Variants in DOK2 observed in about 807,000 individuals in gnomAD.
The protein encoded by DOK2 is docking protein 2, also known as docking protein 2, 56kD.
In DOK2, 28 loss-of-function variants were observed where a neutral mutation model predicts 26.0. That is an observed-to-expected ratio of 1.08 (90% CI 0.80 to 1.48). The LOEUF (loss-of-function observed/expected upper bound fraction) is 1.48, where lower values mean the gene tolerates loss of function less well. Among genes scored for constraint, DOK2 ranks in the 40% most tolerant of loss-of-function variants. DOK2 has a pLI of 0.00. For synonymous variants in DOK2, 282 were observed against 236.9 expected, an observed-to-expected ratio of 1.19 and a Z score of -1.75; for missense variants, 682 against 558.2, an observed-to-expected ratio of 1.22 and a Z score of -2.23.
chr8:21,912,912 C>T (rs750741462), intron 1 of DOK2, among the ~76,000 whole-genome samples: 26 of 152,180 alleles, frequency 1.7e-4, no homozygotes, highest in Non-Finnish European at 2.8e-4. Context: ...GGGCTGGAGA[C>T]CTCATTCTCC....
At position 21,909,749 on chromosome 8, in the gene DOK2, A is replaced by G. The variant is rs1809757487; in HGVS notation, c.801T>C (p.Pro267=). The part of the protein sequence containing the change: ...PATIPASLPR[P]DSPYSRPHDS... ...CATGCGGCCGAGAGTAGGGGCTATC[A>G]GGCCGGGGCAGCGACGCGGGGATTG... The change falls in exon 5 of 5, where the codon CCT becomes CCC. Residue 267 remains proline (P), a synonymous_variant. Coordinates refer to ENST00000276420, the MANE Select transcript of DOK2 (RefSeq NM_003974.4). The G allele has an allele frequency of 2.5e-6, 4 of 1,613,812 alleles. No homozygotes were observed. The highest frequency in any genetic ancestry group is 2.5e-6 in the Non-Finnish European group (3 of 1,180,004).
Position 21,909,360 on chromosome 8 carries a change from T to G in DOK2, c.1190A>C (p.Gln397Pro). 1 of 1,574,248 alleles carries G rather than the reference T, an allele frequency of 6.4e-7. No individual in the cohort carries two copies. Among genetic ancestry groups the G allele is most frequent in the Admixed American group, 1.8e-5 (1 of 55,368 alleles). The change falls in exon 5 of 5, where the codon CAG (glutamine) becomes CCG (proline). Residue 397 changes from glutamine (Q) to proline (P), a missense_variant. Transcript: ENST00000276420. Reference sequence around the variant, plus strand: ...AACATTGTCATACTCAGTTCCTGGCTGCCAGCCAGAAGCAGAGAAATCCTG... The same window carrying G: ...AACATTGTCATACTCAGTTCCTGGCGGCCAGCCAGAAGCAGAGAAATCCTG... ...AGQDFSASGW[Q>P]PGTEYDNVVL...
chr8:21,909,476 G>C lies in DOK2; in HGVS notation c.1074C>G (p.Asp358Glu), dbSNP rs143948915. 11 of 1,613,860 alleles carry C rather than the reference G, an allele frequency of 6.8e-6. No homozygotes were observed. Among genetic ancestry groups the C allele is most frequent in the Admixed American group, 1.7e-5 (1 of 59,994 alleles). The change falls in exon 5 of 5, where the codon GAC becomes GAG. Residue 358 changes from aspartate to glutamate, a missense_variant. Coordinates refer to ENST00000276420, the MANE Select transcript of DOK2 (RefSeq NM_003974.4). Reference protein sequence around the residue: ...PEGVAALSLYDSPQEPRGEAW... With the variant: ...PEGVAALSLYESPQEPRGEAW... ...CCTCACCCCGGGGCTCCTGCGGGCT[G>C]TCATAGAGGGACAGGGCAGCCACTC...
rs1585401314 is a variant in DOK2 at position 21,913,607 on chromosome 8, G to A, written c.-6C>T. The A allele has an allele frequency of 3.1e-6, 5 of 1,613,780 alleles. No homozygotes were observed. The highest frequency in any genetic ancestry group is 4.2e-6 in the Non-Finnish European group (5 of 1,179,956). On this transcript the variant is annotated 5_prime_UTR_variant, in exon 1 of 5. Transcript: ENST00000276420. ...TTCACTGCCCCGTCTCCCATCCTCT[G>A]ACCATCTCGGAGCCCCAGGCTTCAG...
At position 21,912,340 on chromosome 8, in the gene DOK2, G is replaced by T. The variant is rs766105823; in HGVS notation, c.234C>A (p.Pro78=). Residue 78 remains proline (P), a synonymous_variant, in exon 2 of 5, where the codon CCC becomes CCA. Transcript: ENST00000276420. ...CCAGGAAGAAGGCACTGGTGTCCCG[G>T]GGGCTGCTGGCCTCTCCGCCGGCCT... ...VAEAGGEASS[P]RDTSAFFLET... is the part of the protein sequence containing the mutation. 1 of 1,607,706 alleles carries T rather than the reference G, an allele frequency of 6.2e-7. No homozygotes were observed. The highest frequency in any genetic ancestry group is 2.2e-5 in the East Asian group (1 of 44,612).
chr8:21,909,742 G>C lies in DOK2; in HGVS notation c.808C>G (p.Pro270Ala), dbSNP rs1200166722. 1.2e-6 allele frequency: 2 copies of C among 1,613,752 alleles called. No individual in the cohort carries two copies. The highest frequency in any genetic ancestry group is 1.7e-6 in the Non-Finnish European group (2 of 1,180,022). ...IPASLPRPDS[P>A]YSRPHDSLPP... ...AGTGAGTCATGCGGCCGAGAGTAGGGGCTATCAGGCCGGGGCAGCGACGCG... is the reference window on the plus strand; with the variant it reads ...AGTGAGTCATGCGGCCGAGAGTAGGCGCTATCAGGCCGGGGCAGCGACGCG... The change falls in exon 5 of 5, where the codon CCC (proline) becomes GCC (alanine). Residue 270 changes from proline to alanine, a missense_variant. Coordinates refer to ENST00000276420, the MANE Select transcript of DOK2 (RefSeq NM_003974.4).
chr8:21,910,200 T>G (rs1417844013), intron 4 of DOK2, among the ~76,000 whole-genome samples: 2 of 152,074 alleles, frequency 1.3e-5, no homozygotes, highest in African/African-American at 4.8e-5. Flanking sequence ...CAGGATGGTC[T>G]CGATCTCTTG....
At chr8:21,912,092 A>G in intron 2 of DOK2, 104 bp from the exon 3 acceptor site, 1 of 1,476,218 alleles carries the variant, frequency 6.8e-7, no homozygotes, top group Non-Finnish European at 9.0e-7. Flanking sequence ...CTGTCTGCAC[A>G]CTGGGTTCGG....
At chr8:21,910,629 C>A (rs773852020) in intron 4 of DOK2, 44 bp downstream of exon 4, 4 of 1,609,024 alleles carry the variant, frequency 2.5e-6, no homozygotes, top group Non-Finnish European at 2.5e-6. Flanking sequence ...TTGTTCGTAG[C>A]TTATCCTTTC....
In DOK2 at chr8:21,912,247, G is replaced by A; in HGVS notation, c.327C>T (p.Ile109=). 6.4e-7 allele frequency: 1 copy of A among 1,569,068 alleles called. No individual in the cohort carries two copies. Among genetic ancestry groups the A allele is most frequent in the East Asian group, 2.4e-5 (1 of 41,976 alleles). Residue 109 remains isoleucine (I), a synonymous_variant, in exon 2 of 5, where the codon ATC becomes ATT. Coordinates refer to ENST00000276420, the MANE Select transcript of DOK2 (RefSeq NM_003974.4). ...GACTCACGGGGAAGGCCAGGAGGCA[G>A]ATGGCCTGCACCCAGTCGCCGCGCT... ...AAERGDWVQA[I]CLLAFPGQRK...
rs2242240 is a variant in DOK2, at chr8:21,909,764, C to T, written c.786G>A (p.Ala262=). 4.1e-5 allele frequency: 66 copies of T among 1,613,792 alleles called. No individual in the cohort carries two copies. The East Asian group carries it at 9.4e-4, about 23-fold the overall frequency. The change falls in exon 5 of 5, where the codon GCG becomes GCA. Residue 262 remains alanine, a synonymous_variant. Coordinates refer to ENST00000276420, the MANE Select transcript of DOK2 (RefSeq NM_003974.4). The stretch of plus-strand genomic sequence containing the variant: ...AGGGGCTATCAGGCCGGGGCAGCGA[C>T]GCGGGGATTGTGGCTGGCTGCGGTT... The part of the protein sequence containing the change: ...TPQPQPATIP[A]SLPRPDSPYS...
chr8:21,912,566 A>G, intron 1 of DOK2, 56 bp from the exon 2 acceptor site: 1 of 1,446,388 alleles, frequency 6.9e-7, no homozygotes, highest in Non-Finnish European at 9.1e-7. Flanking sequence ...AGACGGGGAG[A>G]TCGTGAGCCA....
chr8:21,910,708 G>A lies in DOK2; in HGVS notation c.583C>T (p.Pro195Ser), dbSNP rs779451507. 1.2e-6 allele frequency: 2 copies of A among 1,614,032 alleles called. No individual in the cohort carries two copies. Among genetic ancestry groups the A allele is most frequent in the Admixed American group, 3.3e-5 (2 of 60,014 alleles). Residue 195 changes from proline to serine, a missense_variant, in exon 4 of 5, where the codon CCC becomes TCC. By Grantham distance (74) the Pro-to-Ser change is moderately conservative. Transcript: ENST00000276420. The part of the protein sequence containing the change: ...PEPGTQLYDW[P>S]YRFLRRFGRD... ...CCAAAGCGCCGCAGAAACCTGTAGG[G>A]CCAGTCGTACAGCTGGGTCCCTGGC...
chr8:21,910,044 C>G, intron 4 of DOK2, 113 bp from the exon 5 acceptor site: 2 of 1,250,592 alleles, frequency 1.6e-6, no homozygotes, highest in South Asian at 1.5e-5. Context: ...TGCAGTGGCA[C>G]AATCTCAGCT....
chr8:21,909,433 T>C lies in DOK2; in HGVS notation c.1117A>G (p.Thr373Ala), dbSNP rs756318240. Reference protein sequence around the residue: ...PRGEAWRRQATADRDPAGLQH... With the variant: ...PRGEAWRRQAAADRDPAGLQH... Reference sequence around the variant, plus strand: ...AGGCCAGCAGGGTCCCTGTCAGCTGTCGCCTGCCTCCTCCATGCCTCACCC... The same window carrying C: ...AGGCCAGCAGGGTCCCTGTCAGCTGCCGCCTGCCTCCTCCATGCCTCACCC... The change falls in exon 5 of 5, where the codon ACA (threonine) becomes GCA (alanine). Residue 373 changes from threonine (T) to alanine (A), a missense_variant. Physicochemically the swap from Thr to Ala is moderately conservative, Grantham distance 58. Transcript: ENST00000276420. 2 of 1,613,074 alleles carry C rather than the reference T, an allele frequency of 1.2e-6. No individual in the cohort carries two copies. Among genetic ancestry groups the C allele is most frequent in the Non-Finnish European group, 1.7e-6 (2 of 1,179,304 alleles).
Position 21,909,485 on chromosome 8 carries a change from G to T in DOK2, c.1065C>A (p.Ser355=). 1 of 1,613,938 alleles carries T rather than the reference G, an allele frequency of 6.2e-7. No homozygotes were observed. Among genetic ancestry groups the T allele is most frequent in the Admixed American group, 1.7e-5 (1 of 60,018 alleles). The change falls in exon 5 of 5, where the codon TCC becomes TCA. Residue 355 remains serine, a synonymous_variant. Coordinates refer to ENST00000276420, the MANE Select transcript of DOK2 (RefSeq NM_003974.4). ...YDEPEGVAAL[S]LYDSPQEPRG... is the part of the protein sequence containing the mutation. ...GGGGCTCCTGCGGGCTGTCATAGAG[G>T]GACAGGGCAGCCACTCCCTCGGGCT...
chr8:21,911,090 A>C, intron 3 of DOK2: 2 of 530,698 alleles, frequency 3.8e-6, no homozygotes, highest in Non-Finnish European at 3.3e-6. Context: ...CCCTACCCAC[A>C]TCCACCCCAA....
chr8:21,912,426 G>A lies in DOK2; in HGVS notation c.148C>T (p.Pro50Ser). 6.3e-7 allele frequency: 1 copy of A among 1,577,734 alleles called. No homozygotes were observed. The highest frequency in any genetic ancestry group is 8.6e-7 in the Non-Finnish European group (1 of 1,163,774). Residue 50 changes from proline to serine, a missense_variant, in exon 2 of 5, where the codon CCT becomes TCT. By Grantham distance (74) the Pro-to-Ser change is moderately conservative. Transcript: ENST00000276420. ...RLELQEGPEK[P>S]RRCEAARKVI... Reference sequence around the variant, plus strand: ...TTCCGGGCAGCCTCACACCGACGAGGCTTCTCCGGGCCCTCCTGCAGCTCC... The same window carrying A: ...TTCCGGGCAGCCTCACACCGACGAGACTTCTCCGGGCCCTCCTGCAGCTCC...
rs770340028 is a variant in DOK2, at chr8:21,909,002, G to A, written c.*309C>T. On this transcript the variant is annotated 3_prime_UTR_variant, in exon 5 of 5. Coordinates refer to ENST00000276420, the MANE Select transcript of DOK2 (RefSeq NM_003974.4). ...GCAGGCAGGAGGCTTGCATAGCCAA[G>A]CAGCCCAAGCAATTGCTGACATCCT... is the stretch of plus-strand genomic sequence containing the variant. The A allele has an allele frequency of 5.6e-5, 14 of 248,700 alleles. No individual in the cohort carries two copies. The highest frequency in any genetic ancestry group is 9.2e-5 in the Non-Finnish European group (12 of 130,172). 15.4% of individuals were successfully genotyped at this position (248,700 alleles called of 1,614,324 possible).
Sources: gnomAD v4.1 joint callset for allele counts (sites outside exome capture counted in the v4.1 genomes callset) on GRCh38, gnomAD v4.1.1 for gene constraint, MANE v1.5 for transcripts, NCBI Gene and HGNC (gene_info 2026-07-23, HGNC 2026-07-21) for gene names.